CCSER1: variants seen among roughly 807,000 people sequenced by gnomAD.
CCSER1 encodes the protein serine-rich coiled-coil domain-containing protein 1.
Under a neutral mutation model 82.0 loss-of-function variants are expected in CCSER1, and 41 were observed. That is an observed-to-expected ratio of 0.50 (90% confidence interval 0.39 to 0.65). CCSER1 has a LOEUF of 0.65. CCSER1 is among the 30% of genes least tolerant of loss of function. The probability of loss-of-function intolerance (pLI) is 0.00; values close to 1 mark genes in which losing one functional copy is unlikely to be tolerated. For missense variants in CCSER1, 1,119 were observed against 1,064.2 expected, an observed-to-expected ratio of 1.05 and a Z score of -0.72; for synonymous variants, 414 against 383.9, an observed-to-expected ratio of 1.08 and a Z score of -0.92.
chr4:91,140,597 C>T (rs7685890), intron 10 of CCSER1, among the ~76,000 whole-genome samples: 110,807 of 151,944 alleles, frequency 0.73, 40,674 homozygotes, highest in Non-Finnish European at 0.78. Context: ...AAGGAAATTT[C>T]TTCCATACAA....
At chr4:90,964,248 A>C (rs1307304278) in intron 9 of CCSER1, among the ~76,000 whole-genome samples, 1 of 152,234 alleles carries the variant, frequency 6.6e-6, no homozygotes, top group Non-Finnish European at 1.5e-5. Context: ...CATTGTTTCC[A>C]AATTGAAGTA....
intron 3 of CCSER1, among the ~76,000 whole-genome samples, chr4:90,346,281 T>C (rs1248079285): frequency 6.6e-6 from 1 of 152,066 alleles, no homozygotes; most frequent in African/African-American, 2.4e-5. Flanking sequence ...TTTAAAATTA[T>C]ACATTTAATA....
intron 9 of CCSER1, among the ~76,000 whole-genome samples, chr4:90,967,632 A>G (rs1225218926): frequency 6.6e-6 from 1 of 152,098 alleles, no homozygotes; most frequent in African/African-American, 2.4e-5. Context: ...AAATCCAATA[A>G]TGGTTAGTGA....
chr4:90,486,980 C>T (rs372701974), intron 5 of CCSER1, among the ~76,000 whole-genome samples: 7 of 152,200 alleles, frequency 4.6e-5, no homozygotes, highest in South Asian at 2.1e-4. Flanking sequence ...GGCAGGATCT[C>T]GGCTTACTGC....
intron 8 of CCSER1, among the ~76,000 whole-genome samples, chr4:90,830,037 G>C (rs1023713145): frequency 2.0e-5 from 3 of 152,188 alleles, no homozygotes; most frequent in Admixed American, 1.3e-4. Flanking sequence ...ATGTTAGCCT[G>C]TGTGGACCAT....
intron 5 of CCSER1, among the ~76,000 whole-genome samples, chr4:90,485,889 TG>T (rs1766957904): frequency 6.6e-6 from 1 of 152,172 alleles, no homozygotes; most frequent in East Asian, 1.9e-4. Flanking sequence ...TTTTATTTTT[TG>T]TTTTGTTTTG....
chr4:90,662,852 C>T (rs56378670), intron 6 of CCSER1, among the ~76,000 whole-genome samples: 78,013 of 151,860 alleles, frequency 0.51, 20,275 homozygotes, highest in Middle Eastern at 0.66. Flanking sequence ...TGATTCAGGT[C>T]CTGCTATGTC....
chr4:90,637,902 C>G (rs1366716766), intron 6 of CCSER1, among the ~76,000 whole-genome samples: 1 of 152,078 alleles, frequency 6.6e-6, no homozygotes, highest in African/African-American at 2.4e-5. Context: ...TCATTTTACT[C>G]TTTGTCCCTT....
chr4:90,821,164 A>G (rs967642179), intron 8 of CCSER1, among the ~76,000 whole-genome samples: 18 of 152,172 alleles, frequency 1.2e-4, no homozygotes, highest in African/African-American at 4.3e-4. Context: ...ATTTCAATCA[A>G]TAAGCAGTTT....
In CCSER1 at chr4:91,583,144, A is replaced by G. The variant is rs145831305; in HGVS notation, c.2218-15428A>G. On this transcript the variant is annotated intron_variant, in intron 10 of 10. Coordinates refer to ENST00000509176, the MANE Select transcript of CCSER1 (RefSeq NM_001145065.2). ...GAGTCAAGTGTGGCTATGAGAATAA[A>G]TCCTTTTTAATGTACTCTTTTGTAA... is the stretch of plus-strand genomic sequence containing the variant. 1.7e-3 allele frequency among the ~76,000 whole-genome samples: 254 copies of G among 151,436 alleles called. 2 individuals carry two copies. The highest frequency in any genetic ancestry group is 5.9e-3 in the African/African-American group (243 of 41,456).
chr4:91,261,525 G>A (rs996633421), intron 10 of CCSER1, among the ~76,000 whole-genome samples: 35 of 152,168 alleles, frequency 2.3e-4, no homozygotes, highest in African/African-American at 8.2e-4. Context: ...CATATCTGCT[G>A]TGTACGTAAT....
chr4:91,388,678 T>C (rs1363273559), intron 10 of CCSER1, among the ~76,000 whole-genome samples: 2 of 152,078 alleles, frequency 1.3e-5, no homozygotes, highest in Non-Finnish European at 2.9e-5. Flanking sequence ...TTCATGTGCT[T>C]ATTTTCCAAA....
chr4:90,828,969 T>A (rs1200755726), intron 8 of CCSER1, among the ~76,000 whole-genome samples: 1 of 152,020 alleles, frequency 6.6e-6, no homozygotes, highest in African/African-American at 2.4e-5. Context: ...GAGGAACCAC[T>A]AGATGCCAAA....
chr4:90,176,762 A>G (rs757341512), intron 1 of CCSER1, among the ~76,000 whole-genome samples: 2 of 152,088 alleles, frequency 1.3e-5, no homozygotes, highest in African/African-American at 2.4e-5. Context: ...CCTTAAATTC[A>G]GGAGGGACCT....
intron 10 of CCSER1, among the ~76,000 whole-genome samples, chr4:91,470,354 CCTT>C (rs1363780540): frequency 6.6e-6 from 1 of 152,194 alleles, no homozygotes; most frequent in Non-Finnish European, 1.5e-5. Flanking sequence ...TTCTATTCCT[CCTT>C]CTTCTTCCTA....
intron 10 of CCSER1, among the ~76,000 whole-genome samples, chr4:91,267,163 A>G (rs886579784): frequency 1.3e-5 from 2 of 152,200 alleles, no homozygotes; most frequent in African/African-American, 2.4e-5. Flanking sequence ...GGCTTGTAGC[A>G]CACCTGTGGA....
At chr4:90,585,653 G>T (rs1195873810) in intron 5 of CCSER1, among the ~76,000 whole-genome samples, 1 of 152,040 alleles carries the variant, frequency 6.6e-6, no homozygotes, top group Non-Finnish European at 1.5e-5. Flanking sequence ...TAGGTTGAAT[G>T]ACTTTTTTTT....
chr4:91,579,952 G>T (rs73836235), intron 10 of CCSER1, among the ~76,000 whole-genome samples: 1 of 151,754 alleles, frequency 6.6e-6, no homozygotes, highest in Admixed American at 6.6e-5. Context: ...CTAAAGTAGC[G>T]TGATGCATTC....
chr4:90,793,798 C>T (rs1047549273), intron 7 of CCSER1, among the ~76,000 whole-genome samples: 1 of 152,186 alleles, frequency 6.6e-6, no homozygotes, highest in Admixed American at 6.5e-5. Context: ...AGCGTATAAG[C>T]ATTTCGTGTC....
Sources: allele counts gnomAD v4.1 joint callset (sites outside exome capture counted in the v4.1 genomes callset), GRCh38; gene constraint gnomAD v4.1.1; transcripts MANE v1.5; gene names NCBI Gene and HGNC (gene_info 2026-07-23, HGNC 2026-07-21).